Variants in NYAP2 observed in about 807,000 individuals in gnomAD.
The protein encoded by NYAP2 is neuronal tyrosine-phosphorylated phosphoinositide-3-kinase adaptor 2, also known as neuronal tyrosine-phosphorylated phosphoinositide-3-kinase adapter 2.
NYAP2 carries 23 observed loss-of-function variants against 50.4 expected under a neutral mutation model. The observed-to-expected ratio is 0.46, with a 90% CI of 0.33 to 0.65. The LOEUF (loss-of-function observed/expected upper bound fraction) is 0.65. Ranked by LOEUF, NYAP2 falls within the 30% of genes least tolerant of loss-of-function variation. The pLI is 0.02. For synonymous variants in NYAP2, 394 were observed against 365.2 expected, an observed-to-expected ratio of 1.08 and a Z score of -0.90; for missense variants, 885 against 861.0, an observed-to-expected ratio of 1.03 and a Z score of -0.35.
intron 4 of NYAP2, among the ~76,000 whole-genome samples, chr2:225,580,759 G>C (rs1692257501): frequency 6.6e-6 from 1 of 151,016 alleles, no homozygotes; most frequent in African/African-American, 2.4e-5. Context: ...ATATAAATTA[G>C]GCCAGTTAAA....
At chr2:225,441,807 T>A (rs1047329044) in intron 3 of NYAP2, among the ~76,000 whole-genome samples, 1 of 152,208 alleles carries the variant, frequency 6.6e-6, no homozygotes, top group East Asian at 1.9e-4. Flanking sequence ...CCATATCAAC[T>A]ACTGACTAGT....
intron 5 of NYAP2, among the ~76,000 whole-genome samples, chr2:225,597,341 T>C (rs1692618896): frequency 6.6e-6 from 1 of 151,118 alleles, no homozygotes; most frequent in Non-Finnish European, 1.5e-5. Context: ...GTATCATTCT[T>C]ATGCCTTTGC....
Position 225,582,422 on chromosome 2 carries a change from G to A in NYAP2, c.1005G>A (p.Pro335=), listed in dbSNP as rs1474403566. 6 of 1,528,392 alleles carry A rather than the reference G, an allele frequency of 3.9e-6. No homozygotes were observed. Among genetic ancestry groups the A allele is most frequent in the Middle Eastern group, 1.7e-4 (1 of 5,772 alleles). The allele number at this position is 1,528,392 out of a possible 1,614,324, so 94.7% of individuals were successfully genotyped here. ...CCAACCTGCTTTCTCACAGACCCCCGCTGCTGGTATTTCCCCCCGCCCCCG... is the reference window on the plus strand; with the variant it reads ...CCAACCTGCTTTCTCACAGACCCCCACTGCTGGTATTTCCCCCCGCCCCCG... The change falls in exon 5 of 7, where the codon CCG becomes CCA. Residue 335 remains proline, a synonymous_variant. Coordinates refer to ENST00000636099, the Ensembl canonical transcript of NYAP2. This position sits in a 1 kb window ranked among gnomAD's most constrained non-coding sequence, Gnocchi z 7.0.
chr2:225,400,889 T>A lies in NYAP2; in HGVS notation c.-172T>A, dbSNP rs1694848777. 1 of 152,538 alleles carries A rather than the reference T, an allele frequency of 6.6e-6. No homozygotes were observed. The highest frequency in any genetic ancestry group is 2.1e-4 in the South Asian group (1 of 4,822). The allele number at this position is 152,538 out of a possible 1,614,324, so 9.4% of individuals were successfully genotyped here. On this transcript the variant is annotated 5_prime_UTR_variant, in exon 2 of 7. It adds an upstream start codon to the 5' untranslated region. Transcript: ENST00000636099. ...CCCATCCAGACACAATGCACTTTAA[T>A]TGAAGAAACACTGAGCTGAACTACA...
chr2:225,605,284 C>A (rs1271469162), intron 5 of NYAP2, among the ~76,000 whole-genome samples: 1 of 152,044 alleles, frequency 6.6e-6, no homozygotes, highest in Non-Finnish European at 1.5e-5. Flanking sequence ...CACACTCCCA[C>A]CTAAGAGTGG....
rs188785348 is a variant in NYAP2, at chr2:225,455,523, G to T, written c.221+46422G>T. 1.8e-3 allele frequency among the ~76,000 whole-genome samples: 267 copies of T among 152,192 alleles called. 3 individuals carry two copies. Among genetic ancestry groups the T allele is most frequent in the African/African-American group, 6.1e-3 (255 of 41,520 alleles). ...AACCATATAATTTTATTGTCAATGGGCAGGATAGGCAATGGCCAATGACTC... is the reference window on the plus strand; with the variant it reads ...AACCATATAATTTTATTGTCAATGGTCAGGATAGGCAATGGCCAATGACTC... On this transcript the variant is annotated intron_variant, in intron 3 of 6. Coordinates refer to ENST00000636099, the Ensembl canonical transcript of NYAP2.
intron 5 of NYAP2, among the ~76,000 whole-genome samples, chr2:225,593,524 T>C (rs928943563): frequency 3.3e-5 from 5 of 152,204 alleles, no homozygotes; most frequent in Non-Finnish European, 5.9e-5. Flanking sequence ...AGTCTACCAA[T>C]TTCTCCATGG....
At chr2:225,613,791 T>G (rs1692939837) in intron 5 of NYAP2, among the ~76,000 whole-genome samples, 1 of 152,164 alleles carries the variant, frequency 6.6e-6, no homozygotes, top group Non-Finnish European at 1.5e-5. Flanking sequence ...TAGCTCACTG[T>G]CTTCATTTAT....
rs117216600 is a variant in NYAP2, at chr2:225,496,956, C to A, written c.222-16415C>A. On this transcript the variant is annotated intron_variant, in intron 3 of 6. Coordinates refer to ENST00000636099, the Ensembl canonical transcript of NYAP2. ...TTAGATGCATTGTGAGCATTAAAAC[C>A]GTTGCTAATATGTTGTGACAATACC... 2.0e-5 allele frequency among the ~76,000 whole-genome samples: 3 copies of A among 151,990 alleles called. No individual in the cohort carries two copies. In the East Asian group the frequency reaches 5.8e-4, roughly 29 times the overall value.
At chr2:225,655,885 TACACACAC>T (rs372646871), downstream of NYAP2, among the ~76,000 whole-genome samples, 2,936 of 121,180 alleles carry the variant, frequency 0.024, 101 homozygotes, top group African/African-American at 0.083. Context: ...CAACCTCCAC[TACACACAC>T]ACACACACAC....
At chr2:225,626,018 T>A (rs983174537) in intron 5 of NYAP2, among the ~76,000 whole-genome samples, 5 of 152,192 alleles carry the variant, frequency 3.3e-5, no homozygotes, top group Non-Finnish European at 5.9e-5. Flanking sequence ...TACAATCTTC[T>A]GACTGATAGA....
intron 4 of NYAP2, among the ~76,000 whole-genome samples, chr2:225,581,726 A>C (rs951574634): frequency 3.9e-5 from 6 of 152,182 alleles, no homozygotes; most frequent in African/African-American, 1.4e-4. Context: ...TTAGATTATT[A>C]ATATCAGTTT....
At chr2:225,583,806 C>T (rs552306999) in intron 5 of NYAP2, among the ~76,000 whole-genome samples, 1 of 152,222 alleles carries the variant, frequency 6.6e-6, no homozygotes, top group South Asian at 2.1e-4. Flanking sequence ...TTTGGGAGGC[C>T]GAGGCGGTCA....
chr2:225,572,881 TG>T (rs1402775926), intron 4 of NYAP2, among the ~76,000 whole-genome samples: 1 of 152,148 alleles, frequency 6.6e-6, no homozygotes, highest in Non-Finnish European at 1.5e-5. Flanking sequence ...TTTCCATCCT[TG>T]TGGCTGGCGA....
At chr2:225,680,370 G>A in the NYAP2 span, among the ~76,000 whole-genome samples, 1 of 151,630 alleles carries the variant, frequency 6.6e-6, no homozygotes, top group Non-Finnish European at 1.5e-5. Context: ...CATAGAAAGG[G>A]GTTGCAATCT....
intron 4 of NYAP2, among the ~76,000 whole-genome samples, chr2:225,521,232 G>T (rs1194513541): frequency 2.0e-5 from 3 of 151,972 alleles, no homozygotes; most frequent in Non-Finnish European, 2.9e-5. Context: ...GGGACAATTT[G>T]ACTTCCTCTT....
intron 4 of NYAP2, among the ~76,000 whole-genome samples, chr2:225,535,787 C>A (rs1691339041): frequency 6.6e-6 from 1 of 152,170 alleles, no homozygotes; most frequent in African/African-American, 2.4e-5. Context: ...AACAGTGGAA[C>A]AGTTGGTAAA....
At chr2:225,605,680 T>G (rs556297035) in intron 5 of NYAP2, among the ~76,000 whole-genome samples, 2 of 152,204 alleles carry the variant, frequency 1.3e-5, no homozygotes, top group South Asian at 4.1e-4. Context: ...AATAAATAAA[T>G]AAATGATGGC....
rs3215261 is a variant in NYAP2, at chr2:225,409,415, AC to A, written c.221+316del. 1.2e-4 allele frequency among the ~76,000 whole-genome samples: 19 copies of A among 152,138 alleles called. 1 individual carries two copies. The East Asian group carries it at 3.7e-3, about 29-fold the overall frequency. ...GGCAAAGACGCAAGGGAACACACAA[AC>A]CTTTTAATAGCCCAAGATTGATGAA... On this transcript the variant is annotated intron_variant, in intron 3 of 6. Transcript: ENST00000636099.
Sources: allele counts gnomAD v4.1 joint callset (sites outside exome capture counted in the v4.1 genomes callset), GRCh38; gene constraint gnomAD v4.1.1; non-coding constraint Gnocchi (gnomAD v3.1); transcripts MANE v1.5; gene names NCBI Gene and HGNC (gene_info 2026-07-23, HGNC 2026-07-21).